The following TKFC variants were observed in gnomAD, a reference collection of about 807,000 sequenced individuals.
TKFC encodes triokinase and FMN cyclase.
A neutral mutation model predicts 61.0 loss-of-function variants in TKFC; 46 were observed. The ratio of observed to expected loss-of-function variants is 0.75; its 90% CI spans 0.60 to 0.96. The LOEUF is 0.96. Ranked by LOEUF, TKFC falls within the 50% of genes least tolerant of loss-of-function variation. The pLI is 0.00. For missense variants in TKFC, 715 were observed against 777.5 expected (o/e 0.92, Z 0.96); for synonymous variants, 314 against 330.1 (o/e 0.95, Z 0.53).
downstream of TKFC, chr11:61,349,857 A>T (rs12419865): frequency 0.014 from 8,061 of 567,902 alleles, 85 homozygotes; most frequent in Non-Finnish European, 0.019. Context: ...GGGGCAGCCT[A>T]ACTGAAATGC....
intron 3 of TKFC, 34 bp from the exon 4 acceptor site, chr11:61,339,032 C>T (rs1195480304): frequency 2.5e-6 from 4 of 1,590,624 alleles, no homozygotes; most frequent in African/African-American, 1.3e-5. Context: ...GCGAGTCCCA[C>T]CCAGCATGCT....
downstream of TKFC, chr11:61,352,127 A>C (rs749885824): frequency 1.3e-5 from 2 of 152,212 alleles, no homozygotes; most frequent in Non-Finnish European, 2.9e-5. Context: ...GCCAAGATCG[A>C]AACCAAGGTC....
chr11:61,353,406 T>C (rs887823558), downstream of TKFC: 9 of 605,980 alleles, frequency 1.5e-5, no homozygotes, highest in Non-Finnish European at 2.7e-5. Flanking sequence ...CAGTCCTTGC[T>C]CATAAAACTC....
chr11:61,342,046 C>A, intron 7 of TKFC, 134 bp downstream of exon 7: 2 of 884,112 alleles, frequency 2.3e-6, no homozygotes, highest in Non-Finnish European at 3.4e-6. Context: ...TCATTTGAGG[C>A]CCAGCCTGGG....
At position 61,343,925 on chromosome 11, in the gene TKFC, G is replaced by T. The variant is rs765652741; in HGVS notation, c.1052G>T (p.Arg351Leu). The T allele has an allele frequency of 3.1e-6, 5 of 1,611,112 alleles. No homozygotes were observed. Among genetic ancestry groups the T allele is most frequent in the Admixed American group, 1.7e-5 (1 of 60,000 alleles). The change falls in exon 12 of 18, where the codon CGG becomes CTG. Residue 351 changes from arginine (R) to leucine (L), a missense_variant. Arg to Leu is a moderately radical substitution (Grantham distance 102). Coordinates refer to ENST00000394900, the MANE Select transcript of TKFC (RefSeq NM_015533.4). Reference sequence around the variant, plus strand: ...TCCATTACTGGGCGGAAGCGGAGCCGGGTAGCCCCTGCCGAGCCCCAGGAG... The same window carrying T: ...TCCATTACTGGGCGGAAGCGGAGCCTGGTAGCCCCTGCCGAGCCCCAGGAG... ...AVSITGRKRS[R>L]VAPAEPQEAP...
At chr11:61,338,989 C>T (rs1026837020) in intron 3 of TKFC, 77 bp from the exon 4 acceptor site, 19 of 1,291,252 alleles carry the variant, frequency 1.5e-5, no homozygotes, top group Non-Finnish European at 2.0e-5. Context: ...AACCATGACC[C>T]CCGGAGTGTG....
At position 61,346,222 on chromosome 11, in the gene TKFC, G is replaced by C; in HGVS notation, c.1576-129G>C. The C allele has an allele frequency of 6.5e-7, 1 of 1,544,198 alleles. No homozygotes were observed. Among genetic ancestry groups the C allele is most frequent in the Non-Finnish European group, 8.7e-7 (1 of 1,151,582 alleles). On this transcript the variant is annotated intron_variant, in intron 17 of 17. Coordinates refer to ENST00000394900, the MANE Select transcript of TKFC (RefSeq NM_015533.4). This position sits in a 1 kb window ranked among gnomAD's most constrained non-coding sequence, Gnocchi z 4.1. ...TGACTTTCCATTTGGTGACAGAGCA[G>C]AGGGTGCTGGCAGAGCCAGGGCAAG...
intron 7 of TKFC, among the ~76,000 whole-genome samples, chr11:61,342,150 G>A (rs1856884099): frequency 6.6e-6 from 1 of 152,154 alleles, no homozygotes. Flanking sequence ...GCCTTTGCCT[G>A]CCATTCCCAG....
At chr11:61,350,050 TGA>T (rs1440011503), downstream of TKFC, 9 of 508,098 alleles carry the variant, frequency 1.8e-5, no homozygotes, top group Admixed American at 6.6e-5. Context: ...ATGGAGGACC[TGA>T]GAGGCTGACG....
downstream of TKFC, chr11:61,351,927 T>C (rs1857430396): frequency 6.6e-6 from 1 of 152,016 alleles, no homozygotes; most frequent in African/African-American, 2.4e-5. Flanking sequence ...GCTGGGGGGA[T>C]AAAAGGAGAG....
At position 61,347,123 on chromosome 11, in the gene TKFC, G is replaced by A. The variant is rs1227958673; in HGVS notation, c.*620G>A. The A allele has an allele frequency of 3.0e-6, 3 of 985,330 alleles. No homozygotes were observed. The allele number at this position is 985,330 out of a possible 1,614,324, so 61.0% of individuals were successfully genotyped here. ...CAGTACACACACCTGATGCATGTAAGAATGGTAGAGGGGCTTTTCTTAGCA... is the reference window on the plus strand; with the variant it reads ...CAGTACACACACCTGATGCATGTAAAAATGGTAGAGGGGCTTTTCTTAGCA... On this transcript the variant is annotated 3_prime_UTR_variant, in exon 18 of 18. Transcript: ENST00000394900.
At chr11:61,333,514 C>T (rs1363958559) in intron 1 of TKFC, 185 bp downstream of exon 1, 1 of 152,414 alleles carries the variant, frequency 6.6e-6, no homozygotes, top group African/African-American at 2.4e-5. Flanking sequence ...ATATCCCAGA[C>T]TAGAACCTTG....
Position 61,345,753 on chromosome 11 carries a change from C to T in TKFC, c.1485+8C>T. On this transcript the variant is annotated splice_region_variant and intron_variant, in intron 16 of 17. Coordinates refer to ENST00000394900, the MANE Select transcript of TKFC (RefSeq NM_015533.4). ...CCAGGGGACAGGACTATGGTATGTA[C>T]TCAGGCTGTGGCCTCAGACCTTTCT... 3 of 1,614,256 alleles carry T rather than the reference C, an allele frequency of 1.9e-6. No homozygotes were observed. The highest frequency in any genetic ancestry group is 2.5e-6 in the Non-Finnish European group (3 of 1,180,056).
chr11:61,338,730 TCTA>T (rs1223549215), intron 3 of TKFC, among the ~76,000 whole-genome samples: 1 of 152,214 alleles, frequency 6.6e-6, no homozygotes, highest in Non-Finnish European at 1.5e-5. Context: ...GAGCTTATAT[TCTA>T]CTTAGGGGAG....
At chr11:61,339,630 C>T (rs1036511760) in intron 5 of TKFC, 195 bp downstream of exon 5, 5 of 630,186 alleles carry the variant, frequency 7.9e-6, no homozygotes, top group Non-Finnish European at 1.3e-5. Flanking sequence ...CCAGACTCGT[C>T]CCCTTTTCTT....
intron 6 of TKFC, 35 bp from the exon 7 acceptor site, chr11:61,341,788 G>A: frequency 6.3e-7 from 1 of 1,587,206 alleles, no homozygotes; most frequent in African/African-American, 1.3e-5. Flanking sequence ...TGCTAAGAGT[G>A]GAACAGTCAT....
rs757985334 is a variant in TKFC at position 61,339,341 on chromosome 11, C to T, written c.392C>T (p.Pro131Leu). 35 of 1,613,728 alleles carry T rather than the reference C, an allele frequency of 2.2e-5. No individual in the cohort carries two copies. Among genetic ancestry groups the T allele is most frequent in the Non-Finnish European group, 2.6e-5 (31 of 1,180,044 alleles). The change falls in exon 5 of 18, where the codon CCG (proline) becomes CTG (leucine). Residue 131 changes from proline to leucine, a missense_variant. Pro to Leu is a moderately conservative substitution (Grantham distance 98, BLOSUM62 -3). Transcript: ENST00000394900. ...AREQARAEGIPVEMVVIGDDS... is the reference protein window; with the variant it reads ...AREQARAEGILVEMVVIGDDS... ...GAGCAGGCCCGGGCTGAAGGCATCCCGGTGGAGATGGTGGTGATTGGGGAC... is the reference window on the plus strand; with the variant it reads ...GAGCAGGCCCGGGCTGAAGGCATCCTGGTGGAGATGGTGGTGATTGGGGAC...
chr11:61,349,498 C>T (rs1381289340), downstream of TKFC: 5 of 700,934 alleles, frequency 7.1e-6, no homozygotes, highest in Admixed American at 1.0e-4. Flanking sequence ...CCACAGCCAC[C>T]TCTGTTACTC....
rs1856739412 is a variant in TKFC, at chr11:61,339,083, A to T, written c.211A>T (p.Met71Leu). 1 of 1,613,170 alleles carries T rather than the reference A, an allele frequency of 6.2e-7. No homozygotes were observed. Among genetic ancestry groups the T allele is most frequent in the East Asian group, 2.2e-5 (1 of 44,876 alleles). Residue 71 changes from methionine (M) to leucine (L), a missense_variant, in exon 4 of 18, where the codon ATG becomes TTG. Coordinates refer to ENST00000394900, the MANE Select transcript of TKFC (RefSeq NM_015533.4). Reference sequence around the variant, plus strand: ...ACCTCCAGGTTTCATAGGGAAGGGGATGCTGACTGGGGTCATCGCGGGAGC... The same window carrying T: ...ACCTCCAGGTTTCATAGGGAAGGGGTTGCTGACTGGGGTCATCGCGGGAGC... ...PAHAGFIGKG[M>L]LTGVIAGAVF... is the part of the protein sequence containing the mutation.
Sources: allele counts gnomAD v4.1 joint callset (sites outside exome capture counted in the v4.1 genomes callset), GRCh38; gene constraint gnomAD v4.1.1; non-coding constraint Gnocchi (gnomAD v3.1); transcripts MANE v1.5; gene names NCBI Gene and HGNC (gene_info 2026-07-23, HGNC 2026-07-21).